ERBIN: variants seen among roughly 807,000 people sequenced by gnomAD.
The protein encoded by ERBIN is erbb2 interacting protein, also known as densin-180-like protein.
In ERBIN, 60 loss-of-function variants were observed where a neutral mutation model predicts 158.4. That is an observed-to-expected ratio of 0.38 (90% CI 0.31 to 0.47). ERBIN has a LOEUF of 0.47. Among genes scored for constraint, ERBIN ranks in the 20% least tolerant of loss-of-function variants. The pLI, the probability that ERBIN is intolerant of heterozygous loss-of-function variation, is 0.99. For synonymous variants in ERBIN, 594 were observed against 557.2 expected, an observed-to-expected ratio of 1.07 and a Z score of -0.93; for missense variants, 1,610 against 1,648.0, an observed-to-expected ratio of 0.98 and a Z score of 0.40.
chr5:66,039,055 T>G (rs774403255), intron 15 of ERBIN, among the ~76,000 whole-genome samples: 7 of 151,792 alleles, frequency 4.6e-5, no homozygotes, highest in Non-Finnish European at 1.0e-4. Context: ...TTTATTGTGT[T>G]ACACTTAAAG....
chr5:65,974,845 C>A (rs1749683589), intron 1 of ERBIN, among the ~76,000 whole-genome samples: 1 of 152,192 alleles, frequency 6.6e-6, no homozygotes, highest in African/African-American at 2.4e-5. Context: ...TAAAGAGGAG[C>A]AACTAGCAAA....
intron 4 of ERBIN, among the ~76,000 whole-genome samples, chr5:65,995,664 G>A (rs191376626): frequency 2.0e-5 from 3 of 152,064 alleles, no homozygotes; most frequent in African/African-American, 4.8e-5. Context: ...GCTGGATCTT[G>A]TGGTAGTTCT....
chr5:65,989,857 GTCC>G (rs1270571974), intron 2 of ERBIN, among the ~76,000 whole-genome samples: 1 of 150,380 alleles, frequency 6.6e-6, no homozygotes, highest in African/African-American at 2.4e-5. Flanking sequence ...ATTCTTAAGT[GTCC>G]TCCTAACTCA....
At position 66,054,965 on chromosome 5, in the gene ERBIN, A is replaced by G; in HGVS notation, c.3633+14A>G. The G allele has an allele frequency of 6.5e-7, 1 of 1,539,440 alleles. No individual in the cohort carries two copies. Among genetic ancestry groups the G allele is most frequent in the South Asian group, 1.3e-5 (1 of 79,728 alleles). ...AAGTTAGAAAAGGTAATTGAACATG[A>G]GTTTTTCATTATTTTCTTTATGAAC... is the stretch of plus-strand genomic sequence containing the variant. On this transcript the variant is annotated intron_variant, in intron 21 of 25. Coordinates refer to ENST00000284037, the MANE Select transcript of ERBIN (RefSeq NM_001253697.2).
At chr5:66,001,478 T>C (rs1473436268) in intron 4 of ERBIN, among the ~76,000 whole-genome samples, 1 of 152,136 alleles carries the variant, frequency 6.6e-6, no homozygotes, top group Non-Finnish European at 1.5e-5. Context: ...CTTATCAGTG[T>C]TTTTCATTTG....
At chr5:66,064,743 G>C (rs545805969) in intron 21 of ERBIN, among the ~76,000 whole-genome samples, 79 of 152,264 alleles carry the variant, frequency 5.2e-4, no homozygotes, top group African/African-American at 1.9e-3. Flanking sequence ...TGGCTCTCGT[G>C]GTGATGAGTC....
At chr5:66,012,169 A>C in intron 5 of ERBIN, 42 bp downstream of exon 5, 2 of 1,318,178 alleles carry the variant, frequency 1.5e-6, no homozygotes, top group Non-Finnish European at 2.1e-6. Context: ...TGTGAATAAA[A>C]CAATTATGAA....
At chr5:66,035,960 A>AT (rs1376027308) in intron 14 of ERBIN, among the ~76,000 whole-genome samples, 1 of 152,058 alleles carries the variant, frequency 6.6e-6, no homozygotes, top group African/African-American at 2.4e-5. Flanking sequence ...ACAGTGGCAC[A>AT]TACCTGTAGT....
rs76647441 is a variant in ERBIN, at chr5:66,076,022, T to G, written c.3964-294T>G. 1.8e-3 allele frequency: 568 copies of G among 319,082 alleles called. 1 individual carries two copies. Among genetic ancestry groups the G allele is most frequent in the Non-Finnish European group, 2.7e-3 (472 of 174,134 alleles). The allele number at this position is 319,082 out of a possible 1,614,324, so 19.8% of individuals were successfully genotyped here. A position where few individuals can be genotyped will look rare whatever the true frequency, so the allele number is the denominator to read the frequency against. ...TTTATGTACTATGTCATATAAAATC[T>G]GTGACGTCTAAAAAGTAAAACAGGG... On this transcript the variant is annotated intron_variant, in intron 23 of 25. Coordinates refer to ENST00000284037, the MANE Select transcript of ERBIN (RefSeq NM_001253697.2).
At position 65,973,447 on chromosome 5, in the gene ERBIN, T is replaced by G. The variant is rs377678373; in HGVS notation, c.-57-15188T>G. ...AAATTAAAAAAAAGAAATTAGGGCC[T>G]TGTCTCTTCCAGATTAATTTGCATT... On this transcript the variant is annotated intron_variant, in intron 1 of 25. Coordinates refer to ENST00000284037, the MANE Select transcript of ERBIN (RefSeq NM_001253697.2). Among the ~76,000 whole-genome samples the G allele has an allele frequency of 6.0e-4, 90 of 151,120 alleles. 2 individuals carry two copies. The highest frequency in any genetic ancestry group is 2.1e-3 in the African/African-American group (86 of 40,620).
intron 1 of ERBIN, among the ~76,000 whole-genome samples, chr5:65,979,732 T>G (rs1241433296): frequency 6.6e-6 from 1 of 152,216 alleles, no homozygotes; most frequent in Non-Finnish European, 1.5e-5. Context: ...TTAATAGCAG[T>G]TCTATGATAA....
chr5:65,928,003 C>T (rs937300421), intron 1 of ERBIN, among the ~76,000 whole-genome samples: 1 of 151,916 alleles, frequency 6.6e-6, no homozygotes, highest in African/African-American at 2.4e-5. Flanking sequence ...TAGGTATATC[C>T]TAAATATATA....
chr5:65,947,173 T>G (rs1157725190), intron 1 of ERBIN, among the ~76,000 whole-genome samples: 1 of 152,206 alleles, frequency 6.6e-6, no homozygotes, highest in African/African-American at 2.4e-5. Context: ...TGGCTATTTT[T>G]GTATCCTGAA....
intron 1 of ERBIN, among the ~76,000 whole-genome samples, chr5:65,986,478 C>G (rs893835839): frequency 5.9e-5 from 9 of 152,114 alleles, no homozygotes; most frequent in African/African-American, 2.2e-4. Context: ...TCTTAGAGAA[C>G]GTTAAACACA....
At chr5:66,048,563 G>A in intron 18 of ERBIN, 104 bp from the exon 19 acceptor site, 1 of 681,106 alleles carries the variant, frequency 1.5e-6, no homozygotes, top group Non-Finnish European at 2.6e-6. Flanking sequence ...GGTTTAATAT[G>A]TGTTTATAAT....
At chr5:65,927,049 G>C (rs563437453) in intron 1 of ERBIN, among the ~76,000 whole-genome samples, 1 of 150,138 alleles carries the variant, frequency 6.7e-6, no homozygotes, top group African/African-American at 2.5e-5. Flanking sequence ...GTAAGAATGC[G>C]GTGGGACGAA....
At chr5:66,038,076 CTG>C (rs1757564342) in intron 14 of ERBIN, among the ~76,000 whole-genome samples, 1 of 152,122 alleles carries the variant, frequency 6.6e-6, no homozygotes, top group Non-Finnish European at 1.5e-5. Flanking sequence ...AAATATATCA[CTG>C]TGTTAATAAG....
intron 4 of ERBIN, among the ~76,000 whole-genome samples, chr5:65,996,746 T>A (rs1752486125): frequency 6.6e-6 from 1 of 152,182 alleles, no homozygotes; most frequent in South Asian, 2.1e-4. Context: ...AATATTGATT[T>A]TGAAGTCCGT....
At chr5:65,930,408 C>A (rs994450407) in intron 1 of ERBIN, among the ~76,000 whole-genome samples, 1 of 152,150 alleles carries the variant, frequency 6.6e-6, no homozygotes, top group East Asian at 1.9e-4. Flanking sequence ...CCCAGGTTCA[C>A]GCCATTCTCC....
Sources: gnomAD v4.1 joint callset for allele counts (sites outside exome capture counted in the v4.1 genomes callset) on GRCh38, gnomAD v4.1.1 for gene constraint, MANE v1.5 for transcripts, NCBI Gene and HGNC (gene_info 2026-07-23, HGNC 2026-07-21) for gene names.